The following NEK10 variants were observed in gnomAD, a reference collection of about 807,000 sequenced individuals.
The protein encoded by NEK10 is serine/threonine-protein kinase Nek10.
NEK10 carries 122 observed loss-of-function variants against 159.8 expected under a neutral mutation model. The ratio of observed to expected loss-of-function variants is 0.76; its 90% CI spans 0.66 to 0.89. The LOEUF (loss-of-function observed/expected upper bound fraction) is 0.89. NEK10 is among the 40% of genes least tolerant of loss of function. The pLI, the probability that NEK10 is intolerant of heterozygous loss-of-function variation, is 0.00. For missense variants in NEK10, 1,342 were observed against 1,323.1 expected (o/e 1.01, Z -0.22); for synonymous variants, 466 against 457.1 (o/e 1.02, Z -0.25).
intron 22 of NEK10, among the ~76,000 whole-genome samples, chr3:27,263,931 C>T (rs531570427): frequency 5.9e-5 from 9 of 152,118 alleles, no homozygotes; most frequent in African/African-American, 1.2e-4. Flanking sequence ...TGTTCCTATT[C>T]GGCCATCTTG....
intron 23 of NEK10, among the ~76,000 whole-genome samples, chr3:27,225,554 A>AGTT (rs1952551874): frequency 2.0e-5 from 3 of 152,224 alleles, no homozygotes; most frequent in Admixed American, 1.3e-4. Flanking sequence ...ACAGGAAAAC[A>AGTT]CTTATTAAAG....
At chr3:27,326,516 T>C (rs1432716635) in intron 5 of NEK10, among the ~76,000 whole-genome samples, 1 of 152,232 alleles carries the variant, frequency 6.6e-6, no homozygotes, top group Non-Finnish European at 1.5e-5. Flanking sequence ...CCAGTGATTT[T>C]TCATATTAAT....
At chr3:27,231,973 C>G (rs1231400162) in intron 23 of NEK10, among the ~76,000 whole-genome samples, 1 of 151,834 alleles carries the variant, frequency 6.6e-6, no homozygotes, top group African/African-American at 2.4e-5. Context: ...GGAATCATCC[C>G]TAATTCATTC....
intron 22 of NEK10, among the ~76,000 whole-genome samples, chr3:27,272,631 T>G (rs926454747): frequency 6.6e-6 from 1 of 152,146 alleles, no homozygotes; most frequent in African/African-American, 2.4e-5. Context: ...TTTTACAAAG[T>G]TTCCAGCTGC....
At chr3:27,360,368 T>C (rs1471502326) in intron 1 of NEK10, among the ~76,000 whole-genome samples, 5 of 151,896 alleles carry the variant, frequency 3.3e-5, no homozygotes, top group Admixed American at 1.3e-4. Flanking sequence ...CAAAAGCACA[T>C]AAAAAATGAA....
At chr3:27,169,521 C>T (rs1946766438) in intron 29 of NEK10, among the ~76,000 whole-genome samples, 1 of 152,148 alleles carries the variant, frequency 6.6e-6, no homozygotes, top group African/African-American at 2.4e-5. Context: ...TTTTTATTCC[C>T]AGAAACACTG....
intron 23 of NEK10, among the ~76,000 whole-genome samples, chr3:27,229,076 C>G (rs1488730921): frequency 6.6e-6 from 1 of 152,120 alleles, no homozygotes; most frequent in African/African-American, 2.4e-5. Flanking sequence ...AAATAAAATA[C>G]TAGGGGAAAA....
chr3:27,166,381 T>G (rs545607702), intron 29 of NEK10, among the ~76,000 whole-genome samples: 15 of 152,172 alleles, frequency 9.9e-5, no homozygotes, highest in Non-Finnish European at 8.8e-5. Flanking sequence ...CTATGTGTTT[T>G]TTTGTTTGTT....
intron 1 of NEK10, among the ~76,000 whole-genome samples, chr3:27,360,096 A>T (rs1318662567): frequency 6.6e-6 from 1 of 152,238 alleles, no homozygotes; most frequent in East Asian, 1.9e-4. Context: ...TACAGTTTAA[A>T]AAGGACATCT....
chr3:27,201,580 T>A lies in NEK10; in HGVS notation c.2221A>T (p.Ile741Leu), dbSNP rs1227825901. The A allele has an allele frequency of 6.2e-7, 1 of 1,613,114 alleles. No homozygotes were observed. Among genetic ancestry groups the A allele is most frequent in the Non-Finnish European group, 8.5e-7 (1 of 1,179,320 alleles). ...STNMLSLATKIVEAVYEPVPE... is the reference protein window; with the variant it reads ...STNMLSLATKLVEAVYEPVPE... Reference sequence around the variant, plus strand: ...ACTGGTTCATATACCGCCTCCACTATCTGCAAAACAAACAGACTAGAGTGA... The same window carrying A: ...ACTGGTTCATATACCGCCTCCACTAACTGCAAAACAAACAGACTAGAGTGA... Residue 741 changes from isoleucine to leucine, a missense_variant and splice_region_variant, in exon 25 of 36, where the codon ATA becomes TTA. Ile to Leu is a conservative substitution (Grantham distance 5). Coordinates refer to ENST00000691995, the MANE Select transcript of NEK10 (RefSeq NM_001394966.1).
At chr3:27,308,021 G>A (rs970710930) in intron 10 of NEK10, 76 bp from the exon 11 acceptor site, 2 of 745,188 alleles carry the variant, frequency 2.7e-6, no homozygotes, top group African/African-American at 3.5e-5. Context: ...TTTCAAACTG[G>A]TATAAAGAAC....
chr3:27,367,046 G>A (rs2049146017), intron 1 of NEK10, among the ~76,000 whole-genome samples: 1 of 152,088 alleles, frequency 6.6e-6, no homozygotes. Flanking sequence ...CTGACCTCAG[G>A]TGATCCACCC....
At chr3:27,368,322 TATATATATATACACA>T (rs1216519991) in intron 1 of NEK10, among the ~76,000 whole-genome samples, 40 of 143,298 alleles carry the variant, frequency 2.8e-4, no homozygotes, top group Non-Finnish European at 8.8e-5. Flanking sequence ...GGACTCCATA[TATATATATATACACA>T]TATATATATA....
intron 32 of NEK10, 60 bp from the exon 33 acceptor site, chr3:27,119,928 C>T (rs1941046075): frequency 2.4e-6 from 3 of 1,272,214 alleles, no homozygotes; most frequent in South Asian, 2.4e-5. Context: ...TGGCAGGAGA[C>T]CTCTGTGTGG....
chr3:27,197,262 A>G (rs1208840238), intron 25 of NEK10, among the ~76,000 whole-genome samples: 1 of 151,934 alleles, frequency 6.6e-6, no homozygotes, highest in African/African-American at 2.4e-5. Flanking sequence ...TGCAACCTCC[A>G]CTTCCCAGAT....
At position 27,331,237 on chromosome 3, in the gene NEK10, C is replaced by CAAAAAAAAAAAAAAAAAAAA. The variant is rs11351970; in HGVS notation, c.363-8977_363-8976insTTTTTTTTTTTTTTTTTTTT. 1.9e-3 allele frequency among the ~76,000 whole-genome samples: 56 copies of CAAAAAAAAAAAAAAAAAAAA among 29,584 alleles called. 1 individual carries two copies. Among genetic ancestry groups the CAAAAAAAAAAAAAAAAAAAA allele is most frequent in the Non-Finnish European group, 2.4e-3 (21 of 8,606 alleles). 19.4% of individuals were successfully genotyped at this position (29,584 alleles called of 152,430 possible). On this transcript the variant is annotated intron_variant, in intron 5 of 35. Coordinates refer to ENST00000691995, the MANE Select transcript of NEK10 (RefSeq NM_001394966.1). ...TGGGTGATAAAGTAAGACTCTGTCT[C>CAAAAAAAAAAAAAAAAAAAA]AAAAAAAAAAAAACAAAAAAAAAAA... is the stretch of plus-strand genomic sequence containing the variant.
At chr3:27,196,753 A>G (rs1949595124) in intron 25 of NEK10, among the ~76,000 whole-genome samples, 1 of 152,220 alleles carries the variant, frequency 6.6e-6, no homozygotes, top group South Asian at 2.1e-4. Context: ...TGTGGCACTC[A>G]AATACCTATT....
chr3:27,110,931 T>C lies in NEK10; in HGVS notation c.*341A>G, dbSNP rs1226011044. On this transcript the variant is annotated 3_prime_UTR_variant, in exon 36 of 36. Transcript: ENST00000691995. ...CTTTGAAAAATATGACAAGTTTTTT[T>C]TAATGTTAAGGAAAATTCTGTAAGA... The C allele has an allele frequency of 5.2e-6, 1 of 192,082 alleles. No homozygotes were observed. Among genetic ancestry groups the C allele is most frequent in the African/African-American group, 2.3e-5 (1 of 43,106 alleles). The allele number at this position is 192,082 out of a possible 1,614,324, so 11.9% of individuals were successfully genotyped here.
At chr3:27,247,814 T>C (rs1326119115) in intron 23 of NEK10, among the ~76,000 whole-genome samples, 1 of 141,662 alleles carries the variant, frequency 7.1e-6, no homozygotes, top group Admixed American at 7.5e-5. Flanking sequence ...TCTTTTCTTT[T>C]CTTTTCTTTT....
Sources: gnomAD v4.1 joint callset for allele counts (sites outside exome capture counted in the v4.1 genomes callset) on GRCh38, gnomAD v4.1.1 for gene constraint, MANE v1.5 for transcripts, NCBI Gene and HGNC (gene_info 2026-07-23, HGNC 2026-07-21) for gene names.